ALG6: variants seen among roughly 807,000 people sequenced by gnomAD.
The protein encoded by ALG6 is ALG6 alpha-1,3-glucosyltransferase, also known as dolichyl pyrophosphate Man9GlcNAc2 alpha-1,3-glucosyltransferase.
In ALG6, 46 loss-of-function variants were observed where a neutral mutation model predicts 66.6. That is an observed-to-expected ratio of 0.69 (90% CI 0.55 to 0.88). The LOEUF (loss-of-function observed/expected upper bound fraction) is 0.88. Ranked by LOEUF, ALG6 falls within the 40% of genes least tolerant of loss-of-function variation. The probability of loss-of-function intolerance (pLI) is 0.00; values close to 1 mark genes in which losing one functional copy is unlikely to be tolerated. For synonymous variants in ALG6, 185 were observed against 203.7 expected, an observed-to-expected ratio of 0.91 and a Z score of 0.78; for missense variants, 505 against 586.8, an observed-to-expected ratio of 0.86 and a Z score of 1.44.
chr1:63,375,402 C>T (rs1432900305), intron 2 of ALG6, among the ~76,000 whole-genome samples: 1 of 150,838 alleles, frequency 6.6e-6, no homozygotes, highest in Non-Finnish European at 1.5e-5. Context: ...TGTGCCACCA[C>T]CCCCGGCATT....
intron 1 of ALG6, among the ~76,000 whole-genome samples, chr1:63,368,011 A>G (rs1375758922): frequency 6.6e-6 from 1 of 152,108 alleles, no homozygotes; most frequent in African/African-American, 2.4e-5. Context: ...CACGCCCGGG[A>G]TAGCTGCACT....
At chr1:63,400,278 T>C (rs1557587598) in intron 3 of ALG6, among the ~76,000 whole-genome samples, 1,113 of 21,918 alleles carry the variant, frequency 0.051, 331 homozygotes, top group South Asian at 0.16. Context: ...CGTATATATA[T>C]ATACGTATAT....
chr1:63,432,779 G>A (rs1329182094), intron 14 of ALG6, among the ~76,000 whole-genome samples: 3 of 152,216 alleles, frequency 2.0e-5, no homozygotes, highest in African/African-American at 7.2e-5. Flanking sequence ...TGAAGTTGTT[G>A]TTGTTGAGAC....
chr1:63,395,842 A>C (rs769212523), intron 2 of ALG6, among the ~76,000 whole-genome samples: 3 of 152,206 alleles, frequency 2.0e-5, no homozygotes, highest in Non-Finnish European at 2.9e-5. Context: ...CATGGATTCT[A>C]TATCTGTGGA....
chr1:63,408,999 C>G (rs750339127), intron 7 of ALG6, among the ~76,000 whole-genome samples: 3 of 152,128 alleles, frequency 2.0e-5, no homozygotes, highest in Non-Finnish European at 4.4e-5. Flanking sequence ...AGACTGGTCT[C>G]AAACTCCTGA....
intron 6 of ALG6, 62 bp from the exon 7 acceptor site, chr1:63,407,000 T>C: frequency 7.4e-7 from 1 of 1,342,700 alleles, no homozygotes. Context: ...AAAACCACAC[T>C]TTTACCCTGC....
intron 12 of ALG6, among the ~76,000 whole-genome samples, chr1:63,424,353 CT>C (rs1285129308): frequency 6.6e-6 from 1 of 152,136 alleles, no homozygotes; most frequent in Non-Finnish European, 1.5e-5. Context: ...GTTGGCCAGG[CT>C]GGTCTTGAAC....
intron 4 of ALG6, 55 bp from the exon 5 acceptor site, chr1:63,404,396 CTT>C: frequency 7.4e-7 from 1 of 1,355,920 alleles, no homozygotes; most frequent in South Asian, 1.2e-5. Flanking sequence ...CCTTCAATAT[CTT>C]TATTGCTAAA....
At chr1:63,422,407 A>ATATCTATAGG (rs1323628068) in intron 12 of ALG6, among the ~76,000 whole-genome samples, 2 of 72,548 alleles carry the variant, frequency 2.8e-5, no homozygotes, top group African/African-American at 9.3e-5. Flanking sequence ...ATATCTATAT[A>ATATCTATAGG]AATATAAATA....
At chr1:63,396,224 T>G (rs1446239503) in intron 2 of ALG6, among the ~76,000 whole-genome samples, 4 of 152,170 alleles carry the variant, frequency 2.6e-5, no homozygotes, top group Non-Finnish European at 5.9e-5. Flanking sequence ...TGCTGGGTAT[T>G]TTATATCCAT....
In ALG6 at chr1:63,387,532, C is replaced by CTTTTTTTTTTTTTTTTTTTTTTTTT. The variant is rs760731397; in HGVS notation, c.83-8978_83-8954dup. Among the ~76,000 whole-genome samples the CTTTTTTTTTTTTTTTTTTTTTTTTT allele has an allele frequency of 5.0e-5, 3 of 59,494 alleles. 1 individual carries two copies. The highest frequency in any genetic ancestry group is 3.0e-5 in the Non-Finnish European group (1 of 33,326). The allele number at this position is 59,494 out of a possible 152,430, so 39.0% of individuals were successfully genotyped here. ...ATATAATGACCTTCTTTGTCTTTCT[C>CTTTTTTTTTTTTTTTTTTTTTTTTT]TTTTTTTTTTTTTTTTTTTTTTTTT... is the stretch of plus-strand genomic sequence containing the variant. On this transcript the variant is annotated intron_variant, in intron 2 of 14. Transcript: ENST00000263440.
chr1:63,380,049 A>G (rs1570036533), intron 2 of ALG6, among the ~76,000 whole-genome samples: 1 of 152,070 alleles, frequency 6.6e-6, no homozygotes, highest in Non-Finnish European at 1.5e-5. Context: ...AAACAGATTT[A>G]ACCACTAATC....
chr1:63,403,166 C>A (rs1644474074), intron 4 of ALG6, among the ~76,000 whole-genome samples: 1 of 147,780 alleles, frequency 6.8e-6, no homozygotes, highest in Non-Finnish European at 1.5e-5. Context: ...TGGAGGACAT[C>A]TAGCAAGAAA....
intron 3 of ALG6, among the ~76,000 whole-genome samples, chr1:63,397,252 C>G (rs557708992): frequency 5.9e-5 from 9 of 151,916 alleles, no homozygotes; most frequent in African/African-American, 1.7e-4. Context: ...GTGGCGTGAT[C>G]TCAGCTCACT....
At chr1:63,389,348 G>A (rs887637039) in intron 2 of ALG6, among the ~76,000 whole-genome samples, 1 of 152,014 alleles carries the variant, frequency 6.6e-6, no homozygotes, top group African/African-American at 2.4e-5. Flanking sequence ...TCTTTTGCTT[G>A]ATCAATTCTG....
At chr1:63,399,384 G>A (rs2886919) in intron 3 of ALG6, among the ~76,000 whole-genome samples, 54,533 of 151,944 alleles carry the variant, frequency 0.36, 10,015 homozygotes, top group East Asian at 0.48. Flanking sequence ...ACTTGCCTAC[G>A]CTCAAGGGGA....
rs887743872 is a variant in ALG6, at chr1:63,406,606, G to T, written c.429+207G>T. Among the ~76,000 whole-genome samples, 7 of 152,122 alleles carry T rather than the reference G, an allele frequency of 4.6e-5. No individual in the cohort carries two copies. In the East Asian group the frequency reaches 1.3e-3, roughly 29 times the overall value. On this transcript the variant is annotated intron_variant, in intron 6 of 14. Coordinates refer to ENST00000263440, the MANE Select transcript of ALG6 (RefSeq NM_013339.4). ...TACTACTAAGATACACTGAATCTTG[G>T]AAGTTATGTACTGTTGAACTACATG...
At chr1:63,400,361 G>GTATATATATGTATATATGTA (rs1644458122) in intron 3 of ALG6, among the ~76,000 whole-genome samples, 1 of 101,208 alleles carries the variant, frequency 9.9e-6, no homozygotes, top group Non-Finnish European at 1.8e-5. Flanking sequence ...ATATATATAT[G>GTATATATATGTATATATGTA]TATATATATG....
At chr1:63,426,046 A>G (rs1309159217) in intron 12 of ALG6, among the ~76,000 whole-genome samples, 1 of 152,192 alleles carries the variant, frequency 6.6e-6, no homozygotes, top group South Asian at 2.1e-4. Flanking sequence ...GTTATAGCAA[A>G]TGAGAGGGAA....
Sources: gnomAD v4.1 joint callset for allele counts (sites outside exome capture counted in the v4.1 genomes callset) on GRCh38, gnomAD v4.1.1 for gene constraint, MANE v1.5 for transcripts, NCBI Gene and HGNC (gene_info 2026-07-23, HGNC 2026-07-21) for gene names.